The following ENTPD5 variants were observed in gnomAD, a reference collection of about 807,000 sequenced individuals.
ENTPD5 encodes the protein nucleoside diphosphate phosphatase ENTPD5.
In ENTPD5, 49 loss-of-function variants were observed where a neutral mutation model predicts 60.2. That is an observed-to-expected ratio of 0.81 (90% confidence interval 0.65 to 1.03). ENTPD5 has a LOEUF of 1.03. ENTPD5 is among the 50% of genes least tolerant of loss of function. The probability of loss-of-function intolerance (pLI) is 0.00; values close to 1 mark genes in which losing one functional copy is unlikely to be tolerated. For missense variants in ENTPD5, 480 were observed against 507.6 expected (o/e 0.95, Z 0.52); for synonymous variants, 187 against 185.4 (o/e 1.01, Z -0.07).
At chr14:74,009,836 G>A (rs1479865946) in intron 3 of ENTPD5, among the ~76,000 whole-genome samples, 1 of 151,900 alleles carries the variant, frequency 6.6e-6, no homozygotes, top group Admixed American at 6.6e-5. Flanking sequence ...CGCTCAGGCT[G>A]GATGGAGTGC....
chr14:73,976,080 C>T (rs565321908), intron 9 of ENTPD5, 65 bp from the exon 10 acceptor site: 10 of 1,325,152 alleles, frequency 7.5e-6, no homozygotes, highest in Middle Eastern at 3.6e-4. Context: ...GTTCACACCA[C>T]CACCCGTCCC....
At chr14:73,967,954 G>A (rs1348276746) in intron 15 of ENTPD5, among the ~76,000 whole-genome samples, 2 of 151,724 alleles carry the variant, frequency 1.3e-5, no homozygotes, top group South Asian at 2.1e-4. Context: ...GTGAAACCCC[G>A]TGTCTACTAA....
intron 3 of ENTPD5, among the ~76,000 whole-genome samples, chr14:73,998,062 G>A (rs2058392217): frequency 6.6e-6 from 1 of 152,054 alleles, no homozygotes; most frequent in East Asian, 1.9e-4. Flanking sequence ...AAGAATGAGG[G>A]TCGTGACCAA....
At position 73,963,883 on chromosome 14, in the gene ENTPD5, G is replaced by A. The variant is rs1402168207; in HGVS notation, c.*3045C>T. ...CTTTTGAACCAAGTAAGGTATTCTT[G>A]GGAATAATTTTTAGAGCCATGAGAA... On this transcript the variant is annotated 3_prime_UTR_variant, in exon 16 of 16. Coordinates refer to ENST00000334696, the MANE Select transcript of ENTPD5 (RefSeq NM_001249.5). 1 of 152,198 alleles carries A rather than the reference G, an allele frequency of 6.6e-6. No individual in the cohort carries two copies. The highest frequency in any genetic ancestry group is 2.4e-5 in the African/African-American group (1 of 41,452). The allele number at this position is 152,198 out of a possible 1,614,324, so 9.4% of individuals were successfully genotyped here. A position where few individuals can be genotyped will look rare whatever the true frequency, so the allele number is the denominator to read the frequency against.
chr14:73,970,114 A>C lies in ENTPD5; in HGVS notation c.1096T>G (p.Leu366Val), dbSNP rs758487007. The C allele has an allele frequency of 5.3e-5, 86 of 1,610,830 alleles. No homozygotes were observed. Among genetic ancestry groups the C allele is most frequent in the Non-Finnish European group, 6.4e-5 (75 of 1,177,166 alleles). Residue 366 changes from leucine (L) to valine (V), a missense_variant, in exon 15 of 16, where the codon TTG becomes GTG. Coordinates refer to ENST00000334696, the MANE Select transcript of ENTPD5 (RefSeq NM_001249.5). ...GGACTGCCTGAGGTGAAGTTTTCCA[A>C]GTTATCACACACTGAAAGAGAGAGT... The part of the protein sequence containing the change: ...ERKAREVCDN[L>V]ENFTSGSPFL...
chr14:73,996,617 G>C (rs2058351362), intron 3 of ENTPD5: 2 of 151,768 alleles, frequency 1.3e-5, no homozygotes, highest in African/African-American at 2.4e-5. Context: ...GATATATACA[G>C]AGGAATCCGA....
chr14:74,006,225 T>A (rs142037271), intron 3 of ENTPD5, among the ~76,000 whole-genome samples: 1,680 of 151,622 alleles, frequency 0.011, 29 homozygotes, highest in African/African-American at 0.038. Context: ...TCTCAGGTGA[T>A]CCACCTACCT....
chr14:73,995,585 A>AAATAAC (rs2058313536), intron 3 of ENTPD5, among the ~76,000 whole-genome samples: 1 of 144,212 alleles, frequency 6.9e-6, no homozygotes, highest in Non-Finnish European at 1.5e-5. Flanking sequence ...ACTCTATCTC[A>AAATAAC]AATAATAATA....
Position 73,977,063 on chromosome 14 carries a change from AAAAG to A in ENTPD5, c.518-8_518-5del, listed in dbSNP as rs770027680. 14 of 1,613,160 alleles carry A rather than the reference AAAAG, an allele frequency of 8.7e-6. No homozygotes were observed. The highest frequency in any genetic ancestry group is 6.7e-5 in the East Asian group (3 of 44,894). On this transcript the variant is annotated splice_region_variant and splice_polypyrimidine_tract_variant and intron_variant, in intron 7 of 15. Transcript: ENST00000334696. ...ACAGTAACCCAAGCTAATATGCCTAAAAAGAAAGAAAGACAAGGATTAGATCCCA... is the reference window on the plus strand; with the variant it reads ...ACAGTAACCCAAGCTAATATGCCTAAAAAGAAAGACAAGGATTAGATCCCA...
intron 3 of ENTPD5, among the ~76,000 whole-genome samples, chr14:74,002,903 T>C (rs1159324622): frequency 6.6e-6 from 1 of 152,184 alleles, no homozygotes; most frequent in African/African-American, 2.4e-5. Context: ...CATCTACTAA[T>C]AGTTTTCACC....
chr14:73,971,697 C>T (rs576538204), intron 14 of ENTPD5, among the ~76,000 whole-genome samples, 155 bp downstream of exon 14: 1 of 152,146 alleles, frequency 6.6e-6, no homozygotes, highest in South Asian at 2.1e-4. Flanking sequence ...CCACCCAATG[C>T]TTTTAACTTT....
At chr14:73,974,875 A>G (rs1458514668) in intron 11 of ENTPD5, 49 bp downstream of exon 11, 2 of 1,431,280 alleles carry the variant, frequency 1.4e-6, no homozygotes, top group East Asian at 4.5e-5. Context: ...CAAGCGGAGT[A>G]TCTGTGTCAC....
chr14:73,991,972 G>A (rs980709233), intron 3 of ENTPD5, among the ~76,000 whole-genome samples: 5 of 151,062 alleles, frequency 3.3e-5, no homozygotes, highest in African/African-American at 7.3e-5. Context: ...GCACTCCAGC[G>A]TGGGCAACAA....
chr14:74,005,385 T>C (rs1268090618), intron 3 of ENTPD5, among the ~76,000 whole-genome samples: 2 of 68,548 alleles, frequency 2.9e-5, no homozygotes, highest in Non-Finnish European at 5.9e-5. Context: ...AAAAGAAATA[T>C]AGGCAGGGTT....
intron 3 of ENTPD5, among the ~76,000 whole-genome samples, chr14:74,005,534 G>A (rs2058652416): frequency 6.6e-6 from 1 of 151,684 alleles, no homozygotes; most frequent in African/African-American, 2.4e-5. Flanking sequence ...CTGGCCAGGT[G>A]CGGTGGCTCA....
rs1296833618 is a variant in ENTPD5 at position 73,966,669 on chromosome 14, A to T, written c.*259T>A. On this transcript the variant is annotated 3_prime_UTR_variant, in exon 16 of 16. Coordinates refer to ENST00000334696, the MANE Select transcript of ENTPD5 (RefSeq NM_001249.5). ...TGCGATTTTTCTTTGGTTTCCAGGGACCTGTCCCTGGGCTCTCACTCCAAG... is the reference window on the plus strand; with the variant it reads ...TGCGATTTTTCTTTGGTTTCCAGGGTCCTGTCCCTGGGCTCTCACTCCAAG... The T allele has an allele frequency of 8.1e-6, 3 of 370,196 alleles. No homozygotes were observed. The East Asian group carries it at 1.3e-4, about 17-fold the overall frequency. 22.9% of individuals were successfully genotyped at this position (370,196 alleles called of 1,614,324 possible). A position where few individuals can be genotyped will look rare whatever the true frequency, so the allele number is the denominator to read the frequency against.
chr14:74,014,750 CTA>C lies in ENTPD5; in HGVS notation c.-131+1072_-131+1073del, dbSNP rs1200437131. On this transcript the variant is annotated intron_variant, in intron 2 of 15. Transcript: ENST00000334696. ...GAGAAAATGTCAATTTAGTAGAATT[CTA>C]TATTTGCAGCACATGCAATAAAAAA... is the stretch of plus-strand genomic sequence containing the variant. Among the ~76,000 whole-genome samples, 12 of 152,216 alleles carry C rather than the reference CTA, an allele frequency of 7.9e-5. 1 individual carries two copies. The highest frequency in any genetic ancestry group is 2.9e-4 in the African/African-American group (12 of 41,534).
At chr14:74,016,817 AG>A in intron 1 of ENTPD5, among the ~76,000 whole-genome samples, 1 of 152,366 alleles carries the variant, frequency 6.6e-6, no homozygotes, top group South Asian at 2.1e-4. Context: ...ACCAATTTCT[AG>A]AATAAATTCC....
chr14:73,958,834 G>T (rs780742803), downstream of ENTPD5: 5 of 1,539,014 alleles, frequency 3.2e-6, no homozygotes, highest in South Asian at 6.0e-5. Flanking sequence ...TCTAGGGGCT[G>T]TGAGTGAAGC....
Sources: allele counts gnomAD v4.1 joint callset (sites outside exome capture counted in the v4.1 genomes callset), GRCh38; gene constraint gnomAD v4.1.1; transcripts MANE v1.5; gene names NCBI Gene and HGNC (gene_info 2026-07-23, HGNC 2026-07-21).